The following PUDP variants were observed in gnomAD, a reference collection of about 807,000 sequenced individuals.
PUDP encodes pseudouridine-5'-phosphatase.
PUDP carries 8 observed loss-of-function variants against 9.4 expected under a neutral mutation model. The observed-to-expected ratio is 0.85, with a 90% CI of 0.50 to 1.53. The LOEUF (loss-of-function observed/expected upper bound fraction) is 1.53, where lower values mean the gene tolerates loss of function less well. Among genes scored for constraint, PUDP ranks in the 40% most tolerant of loss-of-function variants. The pLI, the probability that PUDP is intolerant of heterozygous loss-of-function variation, is 0.00. For missense variants in PUDP, 188 were observed against 189.7 expected (o/e 0.99, Z 0.05); for synonymous variants, 99 against 80.7 (o/e 1.23, Z -1.22).
chrX:7,077,527 A>T (rs575497169), intron 2 of PUDP, 78 bp from the exon 3 acceptor site: 159 of 762,330 alleles, frequency 2.1e-4, no homozygotes, highest in East Asian at 8.4e-4. Flanking sequence ...CAGTCCCTCC[A>T]GCTGTGTGGC....
intron 3 of PUDP, among the ~76,000 whole-genome samples, chrX:6,787,577 A>T (rs1034511582): frequency 8.9e-6 from 1 of 112,302 alleles, no homozygotes; most frequent in Non-Finnish European, 1.9e-5. Flanking sequence ...AATCCAATTG[A>T]TACAATCCTT....
intron 3 of PUDP, among the ~76,000 whole-genome samples, chrX:6,955,970 T>C (rs944699556): frequency 1.7e-4 from 19 of 112,300 alleles, no homozygotes; most frequent in African/African-American, 5.5e-4. Flanking sequence ...TATAAGACTC[T>C]GTAGCCAGTG....
intron 1 of PUDP, among the ~76,000 whole-genome samples, chrX:7,119,177 T>C (rs1932272715): frequency 8.9e-6 from 1 of 112,529 alleles, no homozygotes; most frequent in African/African-American, 3.2e-5. Context: ...CACAAATTCC[T>C]AGCAGTATGA....
chrX:6,837,891 CAAAA>C (rs60159618), intron 3 of PUDP, among the ~76,000 whole-genome samples: 1 of 98,949 alleles, frequency 1.0e-5, no homozygotes, highest in Non-Finnish European at 2.0e-5. Flanking sequence ...CTATTTCTAC[CAAAA>C]AAAAAAAAAT....
At chrX:6,966,364 T>C (rs1928784673) in intron 3 of PUDP, among the ~76,000 whole-genome samples, 1 of 110,809 alleles carries the variant, frequency 9.0e-6, no homozygotes, top group African/African-American at 3.3e-5. Context: ...GCCTGTTATA[T>C]AGAAACTAAG....
intron 1 of PUDP, chrX:6,989,272 T>C (rs972351938): frequency 2.6e-4 from 29 of 111,563 alleles, no homozygotes; most frequent in African/African-American, 9.1e-4. Flanking sequence ...TCCTAGCAAA[T>C]GTTACAGCAC....
At chrX:6,947,815 T>A (rs865852851) in intron 3 of PUDP, among the ~76,000 whole-genome samples, 6 of 96,667 alleles carry the variant, frequency 6.2e-5, no homozygotes, top group African/African-American at 1.9e-4. Flanking sequence ...AATAAATAAA[T>A]AAAAATAAAG....
chrX:6,950,406 C>CTTT (rs768745445), intron 3 of PUDP, among the ~76,000 whole-genome samples: 29 of 68,624 alleles, frequency 4.2e-4, no homozygotes, highest in Middle Eastern at 0.012. Flanking sequence ...TTAGTCATTT[C>CTTT]TTTTTTTTTT....
At chrX:6,815,500 GA>G (rs1192849316) in intron 3 of PUDP, among the ~76,000 whole-genome samples, 1 of 111,870 alleles carries the variant, frequency 8.9e-6, no homozygotes, top group Non-Finnish European at 1.9e-5. Context: ...TTATCAAAGA[GA>G]GATAAAGAAT....
At chrX:6,907,222 T>C (rs1927781367) in intron 3 of PUDP, among the ~76,000 whole-genome samples, 1 of 111,327 alleles carries the variant, frequency 9.0e-6, no homozygotes, top group African/African-American at 3.3e-5. Flanking sequence ...GTGTTCACTC[T>C]GCACTTCTCC....
At chrX:6,932,822 A>G (rs1227190596) in intron 3 of PUDP, among the ~76,000 whole-genome samples, 6 of 111,078 alleles carry the variant, frequency 5.4e-5, no homozygotes, top group East Asian at 2.9e-4. Flanking sequence ...ATTATATCCC[A>G]CACCTGGCTC....
intron 3 of PUDP, among the ~76,000 whole-genome samples, chrX:6,959,148 T>C (rs1378481694): frequency 1.8e-5 from 2 of 111,633 alleles, no homozygotes; most frequent in Admixed American, 9.5e-5. Flanking sequence ...ATTAACATGA[T>C]AAAACAAGCC....
chrX:6,934,610 A>G (rs1313915058), intron 3 of PUDP, among the ~76,000 whole-genome samples: 1 of 108,220 alleles, frequency 9.2e-6, no homozygotes, highest in East Asian at 2.9e-4. Context: ...TCATAATGAC[A>G]GGATCAAATT....
chrX:6,902,681 T>A (rs1189772620), intron 3 of PUDP, among the ~76,000 whole-genome samples: 1 of 111,471 alleles, frequency 9.0e-6, no homozygotes, highest in Admixed American at 9.5e-5. Flanking sequence ...TGGGATGTCT[T>A]ATCTATTTGG....
At chrX:6,993,332 C>A (rs758778342) in intron 1 of PUDP, among the ~76,000 whole-genome samples, 1 of 112,061 alleles carries the variant, frequency 8.9e-6, no homozygotes, top group South Asian at 3.7e-4. Context: ...AGAATGATTT[C>A]TTTTCCCAAA....
intron 1 of PUDP, among the ~76,000 whole-genome samples, chrX:6,987,488 C>T (rs1026278154): frequency 8.9e-6 from 1 of 111,885 alleles, no homozygotes; most frequent in Non-Finnish European, 1.9e-5. Flanking sequence ...GGCAGTAATA[C>T]CTACCTTGCA....
At chrX:6,844,626 C>A (rs1926717147) in intron 3 of PUDP, among the ~76,000 whole-genome samples, 1 of 111,958 alleles carries the variant, frequency 8.9e-6, no homozygotes, top group Admixed American at 9.5e-5. Context: ...ATAAACAGAA[C>A]CAATAGGATA....
intron 3 of PUDP, among the ~76,000 whole-genome samples, chrX:6,812,813 A>G (rs59629003): frequency 0.52 from 58,092 of 111,201 alleles, 12,128 homozygotes; most frequent in African/African-American, 0.8. Flanking sequence ...ATAAATAAAG[A>G]CTGCATGTGA....
intron 2 of PUDP, among the ~76,000 whole-genome samples, chrX:7,087,444 A>G (rs1602767879): frequency 8.9e-6 from 1 of 111,968 alleles, no homozygotes; most frequent in South Asian, 3.7e-4. Context: ...GGTGTCAGAC[A>G]GTTAAGTTTC....
Sources: gnomAD v4.1 joint callset for allele counts (sites outside exome capture counted in the v4.1 genomes callset) on GRCh38, gnomAD v4.1.1 for gene constraint, MANE v1.5 for transcripts, NCBI Gene and HGNC (gene_info 2026-07-23, HGNC 2026-07-21) for gene names.